Variants in TRAP1 observed in about 807,000 individuals in gnomAD.
TRAP1 encodes the protein TNF receptor associated protein 1.
A neutral mutation model predicts 89.1 loss-of-function variants in TRAP1; 102 were observed. The observed-to-expected ratio is 1.15, with a 90% CI of 0.98 to 1.35. The LOEUF (loss-of-function observed/expected upper bound fraction) is 1.35. Ranked by LOEUF, TRAP1 falls within the 40% of genes most tolerant of loss-of-function variation. The pLI, the probability that TRAP1 is intolerant of heterozygous loss-of-function variation, is 0.00. For synonymous variants in TRAP1, 508 were observed against 388.0 expected (o/e 1.31, Z -3.64); for missense variants, 1,256 against 945.3 (o/e 1.33, Z -4.31).
intron 1 of TRAP1, among the ~76,000 whole-genome samples, chr16:3,706,299 G>C (rs184313262): frequency 2.0e-5 from 3 of 151,752 alleles, no homozygotes; most frequent in Admixed American, 6.6e-5. Flanking sequence ...GGTGGGGTGG[G>C]GGTCTCACTA....
At position 3,668,586 on chromosome 16, in the gene TRAP1, T is replaced by C. The variant is rs1165805132; in HGVS notation, c.1236-2468A>G. ...TGCTTCCAACTTTTAAGCCTGTGAT[T>C]CTTTCAAAAGCTCTAATTTCGGCTG... On this transcript the variant is annotated intron_variant, in intron 11 of 17. Coordinates refer to ENST00000246957, the MANE Select transcript of TRAP1 (RefSeq NM_016292.3). Among the ~76,000 whole-genome samples the C allele has an allele frequency of 3.9e-5, 6 of 152,294 alleles. No individual in the cohort carries two copies. The South Asian group carries it at 8.3e-4, about 21-fold the overall frequency.
chr16:3,683,688 A>G (rs965318001), intron 4 of TRAP1, among the ~76,000 whole-genome samples: 3 of 151,656 alleles, frequency 2.0e-5, no homozygotes, highest in Non-Finnish European at 4.4e-5. Flanking sequence ...ACCCGGCCAT[A>G]AGGTTTCAAT....
At chr16:3,705,150 T>C (rs1484444535) in intron 1 of TRAP1, among the ~76,000 whole-genome samples, 1 of 152,146 alleles carries the variant, frequency 6.6e-6, no homozygotes, top group Admixed American at 6.6e-5. Flanking sequence ...CTGTAAGCTC[T>C]GCGTCCTGGG....
intron 17 of TRAP1, 184 bp from the exon 18 acceptor site, chr16:3,658,414 C>G: frequency 1.6e-6 from 1 of 616,334 alleles, no homozygotes; most frequent in Non-Finnish European, 2.8e-6. Context: ...GCCACCACGC[C>G]TGGCCATTTT....
At chr16:3,675,431 T>C in intron 7 of TRAP1, 34 bp from the exon 8 acceptor site, 3 of 1,608,016 alleles carry the variant, frequency 1.9e-6, no homozygotes, top group Non-Finnish European at 2.6e-6. Context: ...ACACTGCATC[T>C]ACAATGCTTG....
chr16:3,661,734 T>C, intron 16 of TRAP1: 1 of 407,326 alleles, frequency 2.5e-6, no homozygotes, highest in Non-Finnish European at 4.3e-6. Context: ...GGCAAAGCCA[T>C]AAAGCAAAAC....
At chr16:3,705,372 T>C (rs756268483) in intron 1 of TRAP1, among the ~76,000 whole-genome samples, 28 of 151,842 alleles carry the variant, frequency 1.8e-4, no homozygotes, top group Non-Finnish European at 3.8e-4. Context: ...CCCGGACAAC[T>C]ACAGAACATT....
In TRAP1 at chr16:3,658,808, C is replaced by T. The variant is rs773398040; in HGVS notation, c.1998G>A (p.Gln666=). The T allele has an allele frequency of 2.5e-6, 4 of 1,613,832 alleles. No homozygotes were observed. The highest frequency in any genetic ancestry group is 3.4e-6 in the Non-Finnish European group (4 of 1,179,968). Residue 666 remains glutamine (Q), a synonymous_variant, in exon 17 of 18, where the codon CAG becomes CAA. Transcript: ENST00000246957. ...CTGCACTCACCTGATCCACCAGCAG[C>T]TGAGCCAGGCCAGGCTCGCTTGCGC... ...QLRASEPGLA[Q]LLVDQIYENA...
In TRAP1 at chr16:3,664,321, C is replaced by T. The variant is rs376510213; in HGVS notation, c.1522G>A (p.Ala508Thr). The T allele has an allele frequency of 5.0e-6, 8 of 1,612,092 alleles. No individual in the cohort carries two copies. The highest frequency in any genetic ancestry group is 6.8e-6 in the Non-Finnish European group (8 of 1,179,392). The change falls in exon 13 of 18, where the codon GCA becomes ACA. Residue 508 changes from alanine to threonine, a missense_variant. By Grantham distance (58) the Ala-to-Thr change is moderately conservative (BLOSUM62 0). Coordinates refer to ENST00000246957, the MANE Select transcript of TRAP1 (RefSeq NM_016292.3). ...GCCTCATAGTAGGGTGAGTGCTCTG[C>T]CAGGTGACGGTTGGGGGCGCACAGG... ...YYLCAPNRHL[A>T]EHSPYYEAMK...
intron 1 of TRAP1, among the ~76,000 whole-genome samples, chr16:3,699,116 A>C (rs1177637335): frequency 6.6e-6 from 1 of 151,816 alleles, no homozygotes; most frequent in African/African-American, 2.4e-5. Context: ...GACACCACAC[A>C]CCCCTCCCCT....
At chr16:3,712,840 T>G (rs922258189) in intron 1 of TRAP1, among the ~76,000 whole-genome samples, 25 of 152,142 alleles carry the variant, frequency 1.6e-4, no homozygotes, top group African/African-American at 6.0e-4. Flanking sequence ...GGTCTCAAAT[T>G]CCTGAACTCA....
rs1192511571 is a variant in TRAP1 at position 3,664,381 on chromosome 16, T to G, written c.1462A>C (p.Ser488Arg). ...GQLTSLSEYA[S>R]RMRAGTRNIY... ...TTGCGGGTGCCGGCCCGCATGCGGC[T>G]GGCGTATTCTGAGAGGCTGGTTAGC... is the stretch of plus-strand genomic sequence containing the variant. The change falls in exon 13 of 18, where the codon AGC becomes CGC. Residue 488 changes from serine (S) to arginine (R), a missense_variant. By Grantham distance (110) the Ser-to-Arg change is moderately radical. Transcript: ENST00000246957. The G allele has an allele frequency of 6.2e-7, 1 of 1,612,566 alleles. No homozygotes were observed. The highest frequency in any genetic ancestry group is 1.7e-5 in the Admixed American group (1 of 59,764).
chr16:3,680,318 A>G (rs1026600931), intron 4 of TRAP1, among the ~76,000 whole-genome samples: 3 of 152,236 alleles, frequency 2.0e-5, no homozygotes, highest in African/African-American at 4.8e-5. Context: ...GGGACAGCAG[A>G]AAGTTGCTTT....
At chr16:3,695,123 T>G (rs1222051136) in intron 1 of TRAP1, among the ~76,000 whole-genome samples, 2 of 152,158 alleles carry the variant, frequency 1.3e-5, no homozygotes, top group African/African-American at 4.8e-5. Context: ...CCCACCCAAG[T>G]GAACTCATCT....
chr16:3,689,029 T>C, intron 3 of TRAP1, 26 bp downstream of exon 3: 1 of 1,579,722 alleles, frequency 6.3e-7, no homozygotes, highest in Non-Finnish European at 8.6e-7. Context: ...TTTGCTAGCA[T>C]CGGGCATGGT....
intron 8 of TRAP1, 163 bp from the exon 9 acceptor site, chr16:3,674,657 A>G: frequency 3.6e-6 from 3 of 827,604 alleles, no homozygotes; most frequent in East Asian, 2.7e-5. Context: ...CCGCTGGGCT[A>G]TGCCGGGTAG....
chr16:3,717,466 G>C lies in TRAP1; in HGVS notation c.43C>G (p.Leu15Val), dbSNP rs1216897282. ...GCCGGCGCCCGCAGCAAAGGCCGCA[G>C]GCGGCGGCCCCACAGCAGCAGCGCC... is the stretch of plus-strand genomic sequence containing the variant. ...LRALLLWGRR[L>V]RPLLRAPALA... The change falls in exon 1 of 18, where the codon CTG becomes GTG. Residue 15 changes from leucine (L) to valine (V), a missense_variant. Leu to Val is a conservative substitution (Grantham distance 32). Coordinates refer to ENST00000246957, the MANE Select transcript of TRAP1 (RefSeq NM_016292.3). 7.7e-7 allele frequency: 1 copy of C among 1,304,586 alleles called. No individual in the cohort carries two copies. The highest frequency in any genetic ancestry group is 1.6e-5 in the African/African-American group (1 of 64,312). The allele number at this position is 1,304,586 out of a possible 1,614,324, so 80.8% of individuals were successfully genotyped here. A position where few individuals can be genotyped will look rare whatever the true frequency, so the allele number is the denominator to read the frequency against.
chr16:3,707,844 C>A (rs1241279095), intron 1 of TRAP1, among the ~76,000 whole-genome samples: 4 of 126,486 alleles, frequency 3.2e-5, no homozygotes, highest in African/African-American at 6.3e-5. Context: ...ACAGACAGAG[C>A]GAGACTCTAA....
intron 8 of TRAP1, 22 bp from the exon 9 acceptor site, chr16:3,674,516 G>C: frequency 6.2e-7 from 1 of 1,611,816 alleles, no homozygotes; most frequent in Non-Finnish European, 8.5e-7. Context: ...GATCGGCGGG[G>C]AGGGCGTCGT....
Sources: gnomAD v4.1 joint callset for allele counts (sites outside exome capture counted in the v4.1 genomes callset) on GRCh38, gnomAD v4.1.1 for gene constraint, MANE v1.5 for transcripts, NCBI Gene and HGNC (gene_info 2026-07-23, HGNC 2026-07-21) for gene names.